The following TRIT1 variants were observed in gnomAD, a reference collection of about 807,000 sequenced individuals.
The protein encoded by TRIT1 is tRNA isopentenyltransferase 1, also known as tRNA dimethylallyltransferase.
A neutral mutation model predicts 51.2 loss-of-function variants in TRIT1; 43 were observed. The ratio of observed to expected loss-of-function variants is 0.84; its 90% CI spans 0.66 to 1.08. The LOEUF is 1.08. Among genes scored for constraint, TRIT1 ranks in the 50% least tolerant of loss-of-function variants. The probability of loss-of-function intolerance (pLI) is 0.00; values close to 1 mark genes in which losing one functional copy is unlikely to be tolerated. For missense variants in TRIT1, 528 were observed against 578.4 expected, an observed-to-expected ratio of 0.91 and a Z score of 0.89; for synonymous variants, 184 against 203.9, an observed-to-expected ratio of 0.90 and a Z score of 0.83.
chr1:39,859,654 CCTCT>C (rs552925708), intron 1 of TRIT1, among the ~76,000 whole-genome samples: 153 of 151,120 alleles, frequency 1.0e-3, no homozygotes, highest in Admixed American at 3.5e-3. Flanking sequence ...ACTGTTTATT[CCTCT>C]CTCTCTCTCT....
intron 1 of TRIT1, among the ~76,000 whole-genome samples, chr1:39,877,656 T>C (rs749842912): frequency 2.4e-4 from 37 of 152,206 alleles, no homozygotes; most frequent in Admixed American, 3.3e-4. Context: ...CTCAGTACAA[T>C]GTTTCATCCA....
chr1:39,854,063 T>C lies in TRIT1; in HGVS notation c.321A>G (p.Glu107=), dbSNP rs1306228447. ...GAATTTTGTCTCGGGCAAATATATC[T>C]TCAATGTGAACATTAAGAAAGATAT... ...DFRNRATALI[E]DIFARDKIPI... is the part of the protein sequence containing the mutation. Residue 107 remains glutamate (E), a synonymous_variant, in exon 3 of 11, where the codon GAA becomes GAG. Transcript: ENST00000316891. 1 of 1,600,298 alleles carries C rather than the reference T, an allele frequency of 6.2e-7. No individual in the cohort carries two copies. Among genetic ancestry groups the C allele is most frequent in the Non-Finnish European group, 8.5e-7 (1 of 1,170,972 alleles).
At chr1:39,874,888 G>A (rs1325675171) in intron 1 of TRIT1, among the ~76,000 whole-genome samples, 1 of 151,706 alleles carries the variant, frequency 6.6e-6, no homozygotes, top group Non-Finnish European at 1.5e-5. Context: ...GGCTGGTCTC[G>A]AGCTCCTGAC....
At chr1:39,856,514 G>A (rs1051887560) in intron 2 of TRIT1, among the ~76,000 whole-genome samples, 9 of 148,460 alleles carry the variant, frequency 6.1e-5, no homozygotes, top group East Asian at 3.9e-4. Flanking sequence ...AAAAATTCAC[G>A]TACCTCCATT....
At chr1:39,876,075 A>G (rs1460648531) in intron 1 of TRIT1, 1 of 148,614 alleles carries the variant, frequency 6.7e-6, no homozygotes, top group African/African-American at 2.4e-5. Flanking sequence ...CAGAGCCCCA[A>G]AGGGATCAAG....
chr1:39,848,029 C>A lies in TRIT1; in HGVS notation c.772G>T (p.Asp258Tyr). 1 of 1,614,130 alleles carries A rather than the reference C, an allele frequency of 6.2e-7. No individual in the cohort carries two copies. Among genetic ancestry groups the A allele is most frequent in the Non-Finnish European group, 8.5e-7 (1 of 1,179,996 alleles). The change falls in exon 6 of 11, where the codon GAT becomes TAT. Residue 258 changes from aspartate to tyrosine, a missense_variant. Asp to Tyr is a radical substitution (Grantham distance 160). Around this residue, in one of 3 missense-constraint regions of TRIT1, gnomAD observed 468 missense variants for 522.6 expected, o/e 0.90. Transcript: ENST00000316891. ...LAAGLLEELR[D>Y]FHRRYNQKNV... ...TTCTGATTATAGCGTCTGTGAAAAT[C>A]TCTTAGTTCCTCCAAGAGCCCAGCA...
intron 1 of TRIT1, among the ~76,000 whole-genome samples, chr1:39,877,019 C>CAAAAA (rs529375001): frequency 1.3e-5 from 1 of 74,614 alleles, no homozygotes. Context: ...AATGGGTCTT[C>CAAAAA]AAAAAAAAAA....
At position 39,839,288 on chromosome 1, in the gene TRIT1, T is replaced by C. The variant is rs148248548; in HGVS notation, c.*2456A>G. On this transcript the variant is annotated 3_prime_UTR_variant, in exon 11 of 11. Transcript: ENST00000316891. ...GCTGAGCAAATAGCCCAAAGCTCTA[T>C]GGTACTTTTCAGCTCTCAAATGAGA... is the stretch of plus-strand genomic sequence containing the variant. Among the ~76,000 whole-genome samples the C allele has an allele frequency of 7.9e-5, 12 of 152,328 alleles. No individual in the cohort carries two copies. The South Asian group carries it at 2.3e-3, about 29-fold the overall frequency.
intron 1 of TRIT1, among the ~76,000 whole-genome samples, chr1:39,857,826 T>C (rs931767997): frequency 1.3e-5 from 2 of 152,238 alleles, no homozygotes; most frequent in Non-Finnish European, 2.9e-5. Context: ...AGGTATTTCT[T>C]GGATTTAAAT....
Position 39,847,578 on chromosome 1 carries a change from G to C in TRIT1, c.898C>G (p.Leu300Val). The change falls in exon 7 of 11, where the codon CTG becomes GTG. Residue 300 changes from leucine (L) to valine (V), a missense_variant. This residue lies in a region of TRIT1 where 468 missense variants were observed against 522.6 expected (regional missense o/e 0.90). Transcript: ENST00000316891. ...EYLITEGKCT[L>V]ETSNQLLKKG... ...TTTAGAAGCTGGTTACTAGTCTCCA[G>C]TGTGCATTTTCCCTCAGTGATCAGG... 1 of 1,614,240 alleles carries C rather than the reference G, an allele frequency of 6.2e-7. No homozygotes were observed. Among genetic ancestry groups the C allele is most frequent in the Non-Finnish European group, 8.5e-7 (1 of 1,180,042 alleles).
intron 1 of TRIT1, chr1:39,862,659 A>T: frequency 2.2e-6 from 1 of 457,188 alleles, no homozygotes; most frequent in Non-Finnish European, 2.9e-6. Flanking sequence ...TCAATTTTGT[A>T]AGTATCACAT....
intron 1 of TRIT1, among the ~76,000 whole-genome samples, chr1:39,858,558 A>G (rs1417831016): frequency 6.6e-6 from 1 of 152,224 alleles, no homozygotes; most frequent in African/African-American, 2.4e-5. Context: ...CTATTACCTA[A>G]TTGCTATCAT....
chr1:39,871,845 C>G (rs1643891677), intron 1 of TRIT1, among the ~76,000 whole-genome samples: 1 of 152,054 alleles, frequency 6.6e-6, no homozygotes, highest in Non-Finnish European at 1.5e-5. Context: ...ATGCATCTGT[C>G]AAAACCCATA....
chr1:39,864,829 T>C (rs1643446241), intron 1 of TRIT1, among the ~76,000 whole-genome samples: 1 of 152,126 alleles, frequency 6.6e-6, no homozygotes, highest in Non-Finnish European at 1.5e-5. Flanking sequence ...ATCCCAGAGC[T>C]CTGAGTGCTG....
intron 8 of TRIT1, 192 bp downstream of exon 8, chr1:39,847,028 T>G: frequency 1.8e-6 from 1 of 552,130 alleles, no homozygotes; most frequent in Non-Finnish European, 3.2e-6. Flanking sequence ...TCAATGCAAA[T>G]AATTTTTTTT....
intron 1 of TRIT1, among the ~76,000 whole-genome samples, chr1:39,878,489 C>CGA (rs1280157355): frequency 6.6e-6 from 1 of 152,144 alleles, no homozygotes; most frequent in Non-Finnish European, 1.5e-5. Context: ...GTATGAAGTA[C>CGA]GAGACAATTT....
At chr1:39,859,213 G>A (rs71644603) in intron 1 of TRIT1, among the ~76,000 whole-genome samples, 11 of 119,310 alleles carry the variant, frequency 9.2e-5, no homozygotes, top group Non-Finnish European at 1.3e-4. Context: ...CCAAGATCAC[G>A]CCATTGCGTT....
intron 1 of TRIT1, among the ~76,000 whole-genome samples, chr1:39,871,020 T>A (rs914549991): frequency 6.6e-6 from 1 of 151,998 alleles, no homozygotes; most frequent in Non-Finnish European, 1.5e-5. Context: ...ATGGAGAAAC[T>A]ATGTCTCTAC....
chr1:39,844,866 G>T (rs1642136654), intron 8 of TRIT1, among the ~76,000 whole-genome samples: 1 of 152,244 alleles, frequency 6.6e-6, no homozygotes, highest in African/African-American at 2.4e-5. Flanking sequence ...ATGGGTGCAG[G>T]ATCTTCCAGA....
Sources: allele counts gnomAD v4.1 joint callset (sites outside exome capture counted in the v4.1 genomes callset), GRCh38; gene constraint gnomAD v4.1.1; regional missense constraint gnomAD v4.1.1; transcripts MANE v1.5; gene names NCBI Gene and HGNC (gene_info 2026-07-23, HGNC 2026-07-21).